PKDREJ: variants seen among roughly 807,000 people sequenced by gnomAD.
PKDREJ encodes polycystin family receptor for egg jelly.
For missense variants in PKDREJ, 2,507 were observed against 2,807.2 expected, an observed-to-expected ratio of 0.89 and a Z score of 2.42; for synonymous variants, 1,031 against 1,095.5, an observed-to-expected ratio of 0.94 and a Z score of 1.16.
Position 46,261,912 on chromosome 22 carries a change from T to C in PKDREJ, c.1411A>G (p.Ile471Val), listed in dbSNP as rs1936701089. ...TCIENCERNF[I>V]VSDRFSLFLN... is the part of the protein sequence containing the mutation. ...AACAAAGAAAATCTATCAGAGACAA[T>C]GAAGTTTCTCTCACAATTTTCGATA... The change falls in exon 1 of 1, where the codon ATT becomes GTT. Residue 471 changes from isoleucine (I) to valine (V), a missense_variant. Transcript: ENST00000253255. This position sits in a 1 kb window ranked among gnomAD's most constrained non-coding sequence, Gnocchi z 7.1. The C allele has an allele frequency of 6.2e-7, 1 of 1,614,086 alleles. No homozygotes were observed.
At position 46,256,808 on chromosome 22, in the gene PKDREJ, A is replaced by G. The variant is rs1467559057; in HGVS notation, c.6515T>C (p.Leu2172Pro). The G allele has an allele frequency of 1.2e-6, 2 of 1,614,124 alleles. No homozygotes were observed. Among genetic ancestry groups the G allele is most frequent in the Non-Finnish European group, 1.7e-6 (2 of 1,180,036 alleles). ...VLINLFQAVI[L>P]SAYEEMKQPV... ...CTGCTTCATTTCCTCATATGCAGAC[A>G]GAATTACAGCCTGAAATAAGTTGAT... The change falls in exon 1 of 1, where the codon CTG (leucine) becomes CCG (proline). Residue 2172 changes from leucine (L) to proline (P), a missense_variant. Physicochemically the swap from Leu to Pro is moderately conservative, Grantham distance 98. Coordinates refer to ENST00000253255, the MANE Select transcript of PKDREJ (RefSeq NM_006071.2). This position sits in a 1 kb window ranked among gnomAD's most constrained non-coding sequence, Gnocchi z 5.3.
At position 46,256,530 on chromosome 22, in the gene PKDREJ, G is replaced by A. The variant is rs201537667; in HGVS notation, c.*31C>T. 2.0e-5 allele frequency: 32 copies of A among 1,583,964 alleles called. No homozygotes were observed. The highest frequency in any genetic ancestry group is 1.7e-4 in the Middle Eastern group (1 of 5,900). ...CCACAGACTCAGCAGTTGGGGGAAC[G>A]CTTGCTTGTGACTCATGAAACCATC... On this transcript the variant is annotated 3_prime_UTR_variant, in exon 1 of 1. Transcript: ENST00000253255. The surrounding 1 kb of genome is among the most constrained non-coding windows in gnomAD (Gnocchi z 5.3).
In PKDREJ at chr22:46,259,519, A is replaced by G. The variant is rs1380069706; in HGVS notation, c.3804T>C (p.His1268=). The G allele has an allele frequency of 6.2e-7, 1 of 1,614,070 alleles. No individual in the cohort carries two copies. Among genetic ancestry groups the G allele is most frequent in the East Asian group, 2.2e-5 (1 of 44,896 alleles). Reference sequence around the variant, plus strand: ...CTCGGTAGAGAGTTGTGAAATGTGGATGGCTTAAACAATGCACGTCGCTGG... The same window carrying G: ...CTCGGTAGAGAGTTGTGAAATGTGGGTGGCTTAAACAATGCACGTCGCTGG... ...VSTSDVHCLS[H]PHFTTLYRGS... The change falls in exon 1 of 1, where the codon CAT becomes CAC. Residue 1268 remains histidine (H), a synonymous_variant. Transcript: ENST00000253255. This position sits in a 1 kb window ranked among gnomAD's most constrained non-coding sequence, Gnocchi z 6.8.
At position 46,260,245 on chromosome 22, in the gene PKDREJ, G is replaced by A. The variant is rs1001597668; in HGVS notation, c.3078C>T (p.Ala1026=). The A allele has an allele frequency of 6.2e-7, 1 of 1,614,032 alleles. No individual in the cohort carries two copies. Among genetic ancestry groups the A allele is most frequent in the Non-Finnish European group, 8.5e-7 (1 of 1,180,030 alleles). Reference sequence around the variant, plus strand: ...GGATGTCATGAGGCACCAGGAAGGTGGCGACCAGCGCTGTGGGAGTGATCT... The same window carrying A: ...GGATGTCATGAGGCACCAGGAAGGTAGCGACCAGCGCTGTGGGAGTGATCT... ...GSQITPTALV[A]TFLVPHDIPP... Residue 1026 remains alanine (A), a synonymous_variant, in exon 1 of 1, where the codon GCC becomes GCT. Transcript: ENST00000253255. The surrounding 1 kb of genome is among the most constrained non-coding windows in gnomAD (Gnocchi z 4.5).
Position 46,258,734 on chromosome 22 carries a change from G to A in PKDREJ, c.4589C>T (p.Thr1530Ile). 1 of 1,614,208 alleles carries A rather than the reference G, an allele frequency of 6.2e-7. No homozygotes were observed. Residue 1530 changes from threonine to isoleucine, a missense_variant, in exon 1 of 1, where the codon ACC (threonine) becomes ATC (isoleucine). Transcript: ENST00000253255. This position sits in a 1 kb window ranked among gnomAD's most constrained non-coding sequence, Gnocchi z 6.1. Reference sequence around the variant, plus strand: ...TGTATTTGGCCCGAGGGTCTCCGGGGTCTTGATTTGTGCTTTCCTATGCCT... The same window carrying A: ...TGTATTTGGCCCGAGGGTCTCCGGGATCTTGATTTGTGCTTTCCTATGCCT... ...KHRHRKAQIK[T>I]PETLGPNTNS...
In PKDREJ at chr22:46,261,715, C is replaced by A. The variant is rs757912022; in HGVS notation, c.1608G>T (p.Ser536=). The change falls in exon 1 of 1, where the codon TCG becomes TCT. Residue 536 remains serine (S), a synonymous_variant. Transcript: ENST00000253255. The surrounding 1 kb of genome is among the most constrained non-coding windows in gnomAD (Gnocchi z 7.1). ...TCCAACATGCTAGATACAGAGAAAT[C>A]GAAAACTCAGCTTCCAAAAAATGCC... ...AFRHFLEAEF[S]ISLYLACWSG... The A allele has an allele frequency of 1.9e-6, 3 of 1,613,856 alleles. No individual in the cohort carries two copies. The highest frequency in any genetic ancestry group is 2.5e-6 in the Non-Finnish European group (3 of 1,179,972).
Position 46,262,794 on chromosome 22 carries a change from A to G in PKDREJ, c.529T>C (p.Phe177Leu). The G allele has an allele frequency of 1.4e-6, 2 of 1,403,834 alleles. No individual in the cohort carries two copies. The highest frequency in any genetic ancestry group is 3.0e-5 in the African/African-American group (2 of 67,592). 87.0% of individuals were successfully genotyped at this position (1,403,834 alleles called of 1,614,324 possible). A position where few individuals can be genotyped will look rare whatever the true frequency, so the allele number is the denominator to read the frequency against. ...AAPGPRPQQG[F>L]VARTECPTDG... is the part of the protein sequence containing the mutation. ...GTGGGGCACTCGGTGCGGGCCACGA[A>G]GCCCTGCTGGGGCCGCGGGCCTGGC... The change falls in exon 1 of 1, where the codon TTC becomes CTC. Residue 177 changes from phenylalanine (F) to leucine (L), a missense_variant. Transcript: ENST00000253255. This position sits in a 1 kb window ranked among gnomAD's most constrained non-coding sequence, Gnocchi z 8.1.
rs76372072 is a variant in PKDREJ at position 46,256,839 on chromosome 22, C to T, written c.6484G>A (p.Val2162Ile). Residue 2162 changes from valine to isoleucine, a missense_variant, in exon 1 of 1, where the codon GTC (valine) becomes ATC (isoleucine). Coordinates refer to ENST00000253255, the MANE Select transcript of PKDREJ (RefSeq NM_006071.2). The surrounding 1 kb of genome is among the most constrained non-coding windows in gnomAD (Gnocchi z 5.3). Reference protein sequence around the residue: ...LSSFMLVMICVLINLFQAVIL... With the variant: ...LSSFMLVMICILINLFQAVIL... The stretch of plus-strand genomic sequence containing the variant: ...ACAGCCTGAAATAAGTTGATCAAGA[C>T]GCAGATCATCACCAGCATGAAAGAT... 3.0e-3 allele frequency: 4,879 copies of T among 1,613,974 alleles called. 51 individuals are homozygous for T. The highest frequency in any genetic ancestry group is 0.019 in the South Asian group (1,748 of 91,088).
At position 46,257,703 on chromosome 22, in the gene PKDREJ, G is replaced by A; in HGVS notation, c.5620C>T (p.His1874Tyr). The A allele has an allele frequency of 1.2e-6, 2 of 1,614,184 alleles. No individual in the cohort carries two copies. Among genetic ancestry groups the A allele is most frequent in the Non-Finnish European group, 1.7e-6 (2 of 1,180,028 alleles). Reference sequence around the variant, plus strand: ...GCATATCCTCCAGATCCATAGGTGTGTAGTAGTCCATAGGAATAATATAGC... The same window carrying A: ...GCATATCCTCCAGATCCATAGGTGTATAGTAGTCCATAGGAATAATATAGC... ...QWLYYSYGLL[H>Y]TYGSGGYALY... The change falls in exon 1 of 1, where the codon CAC becomes TAC. Residue 1874 changes from histidine (H) to tyrosine (Y), a missense_variant. By Grantham distance (83) the His-to-Tyr change is moderately conservative (BLOSUM62 2). Coordinates refer to ENST00000253255, the MANE Select transcript of PKDREJ (RefSeq NM_006071.2). This position sits in a 1 kb window ranked among gnomAD's most constrained non-coding sequence, Gnocchi z 4.7.
rs143458499 is a variant in PKDREJ at position 46,257,293 on chromosome 22, A to G, written c.6030T>C (p.Thr2010=). 109 of 1,614,004 alleles carry G rather than the reference A, an allele frequency of 6.8e-5. No individual in the cohort carries two copies. Among genetic ancestry groups the G allele is most frequent in the Non-Finnish European group, 8.3e-5 (98 of 1,180,032 alleles). Residue 2010 remains threonine (T), a synonymous_variant, in exon 1 of 1, where the codon ACT becomes ACC. Transcript: ENST00000253255. The surrounding 1 kb of genome is among the most constrained non-coding windows in gnomAD (Gnocchi z 4.7). ...LLNFALKCIF[T]VLIVLFLRKH... ...TCCTGAGAAAGAGCACAATCAACAC[A>G]GTAAATATGCACTTTAAAGCAAAGT...
Position 46,256,543 on chromosome 22 carries a change from T to C in PKDREJ, c.*18A>G. The C allele has an allele frequency of 6.3e-7, 1 of 1,599,290 alleles. No homozygotes were observed. The highest frequency in any genetic ancestry group is 8.5e-7 in the Non-Finnish European group (1 of 1,173,836). On this transcript the variant is annotated 3_prime_UTR_variant, in exon 1 of 1. Transcript: ENST00000253255. This position sits in a 1 kb window ranked among gnomAD's most constrained non-coding sequence, Gnocchi z 5.3. ...AGTTGGGGGAACGCTTGCTTGTGAC[T>C]CATGAAACCATCATTCATCAAACAA...
Position 46,261,340 on chromosome 22 carries a change from C to A in PKDREJ, c.1983G>T (p.Val661=), listed in dbSNP as rs765153312. The A allele has an allele frequency of 8.1e-6, 13 of 1,613,818 alleles. No homozygotes were observed. Among genetic ancestry groups the A allele is most frequent in the South Asian group, 1.1e-5 (1 of 91,084 alleles). ...VYDSLGAFSQ[V]TLHATAQAPT... ...GAGCCTGTGCGGTGGCATGCAAAGT[C>A]ACCTGAGAAAAAGCTCCTAGAGAAT... Residue 661 remains valine (V), a synonymous_variant, in exon 1 of 1, where the codon GTG becomes GTT. Transcript: ENST00000253255. The surrounding 1 kb of genome is among the most constrained non-coding windows in gnomAD (Gnocchi z 7.1).
Position 46,261,962 on chromosome 22 carries a change from G to C in PKDREJ, c.1361C>G (p.Pro454Arg), listed in dbSNP as rs79312498. 1 of 1,614,094 alleles carries C rather than the reference G, an allele frequency of 6.2e-7. No homozygotes were observed. Among genetic ancestry groups the C allele is most frequent in the East Asian group, 2.2e-5 (1 of 44,892 alleles). ...ACATGTGATGTGTGCTATGGCTTTT[G>C]GTCCTTGGAGCACGTGGACCCTCTT... ...SDKRVHVLQGPKAIAHITCIE... is the reference protein window; with the variant it reads ...SDKRVHVLQGRKAIAHITCIE... Residue 454 changes from proline (P) to arginine (R), a missense_variant, in exon 1 of 1, where the codon CCA becomes CGA. Coordinates refer to ENST00000253255, the MANE Select transcript of PKDREJ (RefSeq NM_006071.2). This position sits in a 1 kb window ranked among gnomAD's most constrained non-coding sequence, Gnocchi z 7.1.
Position 46,263,272 on chromosome 22 carries a change from G to T in PKDREJ, c.51C>A (p.Ser17Arg), listed in dbSNP as rs1936721665. 1 of 1,464,268 alleles carries T rather than the reference G, an allele frequency of 6.8e-7. No individual in the cohort carries two copies. Among genetic ancestry groups the T allele is most frequent in the East Asian group, 3.0e-5 (1 of 32,890 alleles). The allele number at this position is 1,464,268 out of a possible 1,614,324, so 90.7% of individuals were successfully genotyped here. A position where few individuals can be genotyped will look rare whatever the true frequency, so the allele number is the denominator to read the frequency against. Residue 17 changes from serine to arginine, a missense_variant, in exon 1 of 1, where the codon AGC (serine) becomes AGA (arginine). Ser to Arg is a moderately radical substitution (Grantham distance 110, BLOSUM62 -1). Transcript: ENST00000253255. This position sits in a 1 kb window ranked among gnomAD's most constrained non-coding sequence, Gnocchi z 9.4. The part of the protein sequence containing the change: ...LLLLGVGLSL[S>R]VGRLPLPPVP... ...CCGGCGGCAGCGGGAGGCGGCCGAC[G>T]CTCAGGCTCAGGCCCACGCCCAGAA...
rs778871110 is a variant in PKDREJ at position 46,260,486 on chromosome 22, G to T, written c.2837C>A (p.Thr946Lys). Residue 946 changes from threonine (T) to lysine (K), a missense_variant, in exon 1 of 1, where the codon ACA becomes AAA. Transcript: ENST00000253255. The surrounding 1 kb of genome is among the most constrained non-coding windows in gnomAD (Gnocchi z 4.5). ...AAGGTACACTTCCGCTACATCAGGT[G>T]TGATCTCTAGCACACTACCGTTATC... ...VADNGSVLEITPDVAEVYLVR... is the reference protein window; with the variant it reads ...VADNGSVLEIKPDVAEVYLVR... 6.2e-7 allele frequency: 1 copy of T among 1,614,214 alleles called. No individual in the cohort carries two copies. The highest frequency in any genetic ancestry group is 1.3e-5 in the African/African-American group (1 of 75,040).
chr22:46,257,362 CATA>C lies in PKDREJ; in HGVS notation c.5958_5960del (p.Ile1986del). On this transcript the variant is annotated inframe_deletion, in exon 1 of 1. Transcript: ENST00000253255. This position sits in a 1 kb window ranked among gnomAD's most constrained non-coding sequence, Gnocchi z 4.7. ...TTCTCACATAGGAGGCTCTTTCTTG[CATA>C]ATGATACAACCCTCATCAACAACGT... 6.2e-7 allele frequency: 1 copy of C among 1,614,016 alleles called. No individual in the cohort carries two copies. The highest frequency in any genetic ancestry group is 8.5e-7 in the Non-Finnish European group (1 of 1,180,022).
chr22:46,262,766 T>TCTGTGGGGCACTCGGTG lies in PKDREJ; in HGVS notation c.540_556dup (p.Asp186AlafsTer12), dbSNP rs777748257. 9 of 1,578,918 alleles carry TCTGTGGGGCACTCGGTG rather than the reference T, an allele frequency of 5.7e-6. No homozygotes were observed. The East Asian group carries it at 1.6e-4, about 29-fold the overall frequency. On this transcript the variant is annotated frameshift_variant, in exon 1 of 1. Transcript: ENST00000253255. LOFTEE classifies it low-confidence loss of function (END_TRUNC). This position sits in a 1 kb window ranked among gnomAD's most constrained non-coding sequence, Gnocchi z 8.1. ...CTGCAACATCACGCGCGCGGGGCCGTCTGTGGGGCACTCGGTGCGGGCCAC... is the reference window on the plus strand; with the variant it reads ...CTGCAACATCACGCGCGCGGGGCCGTCTGTGGGGCACTCGGTGCTGTGGGGCACTCGGTGCGGGCCAC...
At position 46,260,079 on chromosome 22, in the gene PKDREJ, G is replaced by A. The variant is rs1339428915; in HGVS notation, c.3244C>T (p.Gln1082Ter). 6.2e-7 allele frequency: 1 copy of A among 1,613,944 alleles called. No individual in the cohort carries two copies. Among genetic ancestry groups the A allele is most frequent in the East Asian group, 2.2e-5 (1 of 44,896 alleles). ...AGCTTCATGACAAAACGAGGTGCCT[G>A]CAGAACTATGGATACAGTACAGTGG... The part of the protein sequence containing the change: ...SPHCTVSIVL[Q>*]APRFVMKLND... The change falls in exon 1 of 1, where the codon CAG becomes TAG. Residue 1082 changes from glutamine to a stop codon, truncating the protein, a stop_gained. Coordinates refer to ENST00000253255, the MANE Select transcript of PKDREJ (RefSeq NM_006071.2). LOFTEE classifies it low-confidence loss of function (END_TRUNC). This position sits in a 1 kb window ranked among gnomAD's most constrained non-coding sequence, Gnocchi z 4.5.
In PKDREJ at chr22:46,258,049, T is replaced by G; in HGVS notation, c.5274A>C (p.Glu1758Asp). 6.2e-7 allele frequency: 1 copy of G among 1,614,060 alleles called. No individual in the cohort carries two copies. Among genetic ancestry groups the G allele is most frequent in the Non-Finnish European group, 8.5e-7 (1 of 1,180,016 alleles). The change falls in exon 1 of 1, where the codon GAA (glutamate) becomes GAC (aspartate). Residue 1758 changes from glutamate (E) to aspartate (D), a missense_variant. Coordinates refer to ENST00000253255, the MANE Select transcript of PKDREJ (RefSeq NM_006071.2). This position sits in a 1 kb window ranked among gnomAD's most constrained non-coding sequence, Gnocchi z 6.1. ...CGCTGTTTAGCCATCTATAGATGTC[T>G]TCCAGCTTAGTCACAGTAGCAAGAT... ...SMDLATVTKL[E>D]DIYRWLNSVL...
Sources: allele counts gnomAD v4.1 joint callset, GRCh38; gene constraint gnomAD v4.1.1; non-coding constraint Gnocchi (gnomAD v3.1); transcripts MANE v1.5; gene names NCBI Gene and HGNC (gene_info 2026-07-23, HGNC 2026-07-21).